PSPH: variants seen among roughly 807,000 people sequenced by gnomAD.
PSPH encodes L-3-phosphoserine phosphatase.
Under a neutral mutation model 23.4 loss-of-function variants are expected in PSPH, and 16 were observed. The observed-to-expected ratio is 0.68, with a 90% CI of 0.46 to 1.04. PSPH has a LOEUF of 1.04. Among genes scored for constraint, PSPH ranks in the 50% least tolerant of loss-of-function variants. The probability of loss-of-function intolerance (pLI) is 0.00; values close to 1 mark genes in which losing one functional copy is unlikely to be tolerated. For synonymous variants in PSPH, 68 were observed against 99.7 expected (o/e 0.68, Z 1.89); for missense variants, 223 against 273.7 (o/e 0.81, Z 1.31).
rs547947270 is a variant in PSPH, at chr7:56,043,749, A to G, written c.-292+7389T>C. The stretch of plus-strand genomic sequence containing the variant: ...GAGGCTAAGGTGGGAGGATAGCTTG[A>G]GCCCCAGGGTGGAAGCTGCAGTGAG... On this transcript the variant is annotated intron_variant, in intron 1 of 7. Coordinates refer to ENST00000275605, the MANE Select transcript of PSPH (RefSeq NM_004577.4). Among the ~76,000 whole-genome samples the G allele has an allele frequency of 3.5e-3, 513 of 148,442 alleles. 6 individuals are homozygous for G. Among genetic ancestry groups the G allele is most frequent in the African/African-American group, 0.012 (495 of 40,260 alleles).
intron 1 of PSPH, among the ~76,000 whole-genome samples, chr7:56,044,470 T>C (rs574257859): frequency 5.6e-4 from 85 of 152,258 alleles, no homozygotes; most frequent in African/African-American, 2.0e-3. Flanking sequence ...ACAAAGATTA[T>C]GGAATAAATG....
chr7:56,017,365 C>A lies in PSPH; in HGVS notation c.290G>T (p.Arg97Leu), dbSNP rs1245957111. The A allele has an allele frequency of 1.3e-6, 2 of 1,587,754 alleles. No individual in the cohort carries two copies. The highest frequency in any genetic ancestry group is 1.7e-6 in the Non-Finnish European group (2 of 1,164,316). Residue 97 changes from arginine (R) to leucine (L), a missense_variant, in exon 6 of 8, where the codon CGC (arginine) becomes CTC (leucine). Physicochemically the swap from Arg to Leu is moderately radical, Grantham distance 102 (BLOSUM62 -2). Transcript: ENST00000275605. ...AACCTGAACATTTCGCTCCTGTAGG[C>A]GACTTACCAGCTCCCTGCAAAATAA... ...LTPGIRELVS[R>L]LQERNVQVFL... is the part of the protein sequence containing the mutation.
intron 1 of PSPH, among the ~76,000 whole-genome samples, chr7:56,036,119 C>A (rs1457910756): frequency 6.6e-6 from 1 of 151,798 alleles, no homozygotes; most frequent in East Asian, 2.0e-4. Flanking sequence ...CCCAGCTACT[C>A]GGGAGGCTGA....
chr7:56,037,699 CT>C (rs948309382), intron 1 of PSPH, among the ~76,000 whole-genome samples: 13 of 146,576 alleles, frequency 8.9e-5, no homozygotes. Flanking sequence ...TTTTTGTAAG[CT>C]AACAAATTTT....
chr7:56,013,098 CAT>C (rs753607651), intron 7 of PSPH, among the ~76,000 whole-genome samples: 24 of 91,918 alleles, frequency 2.6e-4, no homozygotes, highest in African/African-American at 4.1e-4. Context: ...CATATATATA[CAT>C]ATGTGTGTAT....
chr7:56,016,258 G>T (rs965868625), intron 6 of PSPH, among the ~76,000 whole-genome samples: 2 of 151,442 alleles, frequency 1.3e-5, no homozygotes, highest in African/African-American at 4.8e-5. Flanking sequence ...ACAAAAATTA[G>T]CCAGGTGTGG....
rs1562794022 is a variant in PSPH at position 56,021,062 on chromosome 7, G to A, written c.140+11C>T. On this transcript the variant is annotated intron_variant, in intron 4 of 7. Transcript: ENST00000275605. ...TTATCATTTCATAAAGTGAATAAAT[G>A]CTATCCCTACATTTCTGACACCGCG... The A allele has an allele frequency of 6.2e-7, 1 of 1,614,146 alleles. No homozygotes were observed. Among genetic ancestry groups the A allele is most frequent in the Non-Finnish European group, 8.5e-7 (1 of 1,180,006 alleles).
intron 3 of PSPH, among the ~76,000 whole-genome samples, chr7:56,021,790 A>T (rs1789498537): frequency 1.3e-5 from 2 of 151,342 alleles, no homozygotes; most frequent in African/African-American, 2.4e-5. Context: ...TCTACTAAAA[A>T]TATAAAAAAA....
chr7:56,045,825 T>A (rs1352277069), intron 1 of PSPH, among the ~76,000 whole-genome samples: 1 of 144,802 alleles, frequency 6.9e-6, no homozygotes, highest in Non-Finnish European at 1.5e-5. Context: ...AAGCAGAAGC[T>A]GCAATGAGCC....
intron 1 of PSPH, among the ~76,000 whole-genome samples, chr7:56,042,082 G>T (rs188317109): frequency 1.2e-3 from 179 of 152,048 alleles, no homozygotes; most frequent in African/African-American, 3.9e-3. Context: ...AATTACCAGG[G>T]TGTGGTGTCG....
chr7:56,046,798 CAAAA>C (rs532617669), intron 1 of PSPH, among the ~76,000 whole-genome samples: 1 of 68,202 alleles, frequency 1.5e-5, no homozygotes, highest in Admixed American at 1.9e-4. Flanking sequence ...GACTCCACCT[CAAAA>C]AAAAAAAAAA....
chr7:56,026,977 G>C (rs527726553), intron 3 of PSPH, among the ~76,000 whole-genome samples: 1 of 150,226 alleles, frequency 6.7e-6, no homozygotes, highest in Non-Finnish European at 1.5e-5. Context: ...AGGCTGAAGC[G>C]GGTGGATCAC....
chr7:56,040,727 C>T lies in PSPH; in HGVS notation c.-291-6621G>A, dbSNP rs75820650. On this transcript the variant is annotated intron_variant, in intron 1 of 7. Transcript: ENST00000275605. ...CTAGAAGACAAAAAGTCACTGGAAACTCCAAGACCTGCACAAGGCCTACCA... is the reference window on the plus strand; with the variant it reads ...CTAGAAGACAAAAAGTCACTGGAAATTCCAAGACCTGCACAAGGCCTACCA... Among the ~76,000 whole-genome samples the T allele has an allele frequency of 6.6e-3, 1,002 of 152,096 alleles. 9 individuals are homozygous for T. Among genetic ancestry groups the T allele is most frequent in the African/African-American group, 0.022 (911 of 41,504 alleles).
intron 2 of PSPH, among the ~76,000 whole-genome samples, chr7:56,032,387 A>G (rs569273955): frequency 7.0e-4 from 107 of 152,210 alleles, no homozygotes; most frequent in East Asian, 2.9e-3. Context: ...TTGGGCGGGC[A>G]TGATGGCTCA....
intron 4 of PSPH, among the ~76,000 whole-genome samples, chr7:56,020,158 G>A (rs1156944568): frequency 6.6e-6 from 1 of 151,220 alleles, no homozygotes; most frequent in Non-Finnish European, 1.5e-5. Flanking sequence ...GGCAGAGGTT[G>A]CAGTGAGCCA....
At chr7:56,047,035 C>T (rs1458603750) in intron 1 of PSPH, among the ~76,000 whole-genome samples, 2 of 152,116 alleles carry the variant, frequency 1.3e-5, no homozygotes, top group African/African-American at 4.8e-5. Flanking sequence ...AAGCACACAA[C>T]AGATCCATGG....
chr7:56,026,852 A>G (rs1364000846), intron 3 of PSPH, among the ~76,000 whole-genome samples: 1 of 152,160 alleles, frequency 6.6e-6, no homozygotes, highest in African/African-American at 2.4e-5. Context: ...AGAAACAGAC[A>G]AATGGTGTAA....
chr7:56,049,123 A>G (rs1259392731), intron 1 of PSPH, among the ~76,000 whole-genome samples: 1 of 151,240 alleles, frequency 6.6e-6, no homozygotes, highest in Non-Finnish European at 1.5e-5. Context: ...ACGAGGTTTC[A>G]CCGTGTTAGC....
At chr7:56,043,675 A>G (rs1277388015) in intron 1 of PSPH, among the ~76,000 whole-genome samples, 4 of 93,030 alleles carry the variant, frequency 4.3e-5, no homozygotes, top group Non-Finnish European at 4.0e-5. Flanking sequence ...CCCTGTCTCT[A>G]CAATAAAACA....
Sources: gnomAD v4.1 joint callset for allele counts (sites outside exome capture counted in the v4.1 genomes callset) on GRCh38, gnomAD v4.1.1 for gene constraint, MANE v1.5 for transcripts, NCBI Gene and HGNC (gene_info 2026-07-23, HGNC 2026-07-21) for gene names.